The following NCKAP5 variants were observed in gnomAD, a reference collection of about 807,000 sequenced individuals.
NCKAP5 encodes the protein nck-associated protein 5.
NCKAP5 carries 92 observed loss-of-function variants against 167.0 expected under a neutral mutation model. The observed-to-expected ratio is 0.55, with a 90% CI of 0.47 to 0.66. The LOEUF is 0.66. Among genes scored for constraint, NCKAP5 ranks in the 30% least tolerant of loss-of-function variants. The pLI, the probability that NCKAP5 is intolerant of heterozygous loss-of-function variation, is 0.00. For missense variants in NCKAP5, 2,378 were observed against 2,315.0 expected, an observed-to-expected ratio of 1.03 and a Z score of -0.56; for synonymous variants, 891 against 877.4, an observed-to-expected ratio of 1.02 and a Z score of -0.27.
intron 3 of NCKAP5, among the ~76,000 whole-genome samples, chr2:133,403,206 A>G (rs912575073): frequency 6.6e-6 from 1 of 152,264 alleles, no homozygotes; most frequent in Non-Finnish European, 1.5e-5. Context: ...CAAATAATGT[A>G]AAACTAGGTT....
At chr2:133,566,876 C>T (rs1037638079) in intron 1 of NCKAP5, among the ~76,000 whole-genome samples, 1 of 152,298 alleles carries the variant, frequency 6.6e-6, no homozygotes, top group East Asian at 1.9e-4. Context: ...ATATCTAAGC[C>T]TAATGTGTTC....
intron 11 of NCKAP5, among the ~76,000 whole-genome samples, chr2:132,815,687 T>C (rs1686212756): frequency 6.6e-6 from 1 of 152,190 alleles, no homozygotes; most frequent in Non-Finnish European, 1.5e-5. Context: ...GAATTACTTA[T>C]TCAAAAAGCC....
chr2:133,453,579 G>A (rs1691674866), intron 3 of NCKAP5, among the ~76,000 whole-genome samples: 3 of 152,028 alleles, frequency 2.0e-5, no homozygotes, highest in Non-Finnish European at 4.4e-5. Flanking sequence ...GACAAAATAA[G>A]GGTTATTCAT....
chr2:133,330,360 C>G (rs1419691988), intron 3 of NCKAP5, among the ~76,000 whole-genome samples: 1 of 142,192 alleles, frequency 7.0e-6, no homozygotes, highest in Non-Finnish European at 1.5e-5. Context: ...GCTGGGTTTA[C>G]AGACATGATA....
intron 4 of NCKAP5, among the ~76,000 whole-genome samples, chr2:133,250,292 G>A (rs530955298): frequency 3.9e-5 from 6 of 152,244 alleles, no homozygotes; most frequent in South Asian, 2.1e-4. Context: ...CTAGGCGAGC[G>A]GGGCAGGCAG....
intron 3 of NCKAP5, among the ~76,000 whole-genome samples, chr2:133,472,479 C>T (rs1215988890): frequency 6.6e-6 from 1 of 151,750 alleles, no homozygotes; most frequent in Non-Finnish European, 1.5e-5. Flanking sequence ...ATTGCTTCTC[C>T]TCTCCTTTTT....
chr2:132,872,483 T>C (rs965365145), intron 9 of NCKAP5, among the ~76,000 whole-genome samples: 2 of 152,164 alleles, frequency 1.3e-5, no homozygotes, highest in East Asian at 3.8e-4. Context: ...TATTATTTTA[T>C]TGAAAAACAG....
chr2:133,629,973 G>T, the NCKAP5 span, among the ~76,000 whole-genome samples: 6 of 152,050 alleles, frequency 3.9e-5, no homozygotes, highest in African/African-American at 1.4e-4. Flanking sequence ...ACATACTGGG[G>T]CCTGTCGAGG....
chr2:132,969,756 G>T (rs2076777996), intron 7 of NCKAP5, among the ~76,000 whole-genome samples: 1 of 151,556 alleles, frequency 6.6e-6, no homozygotes, highest in African/African-American at 2.4e-5. Context: ...GTTTAAAGCT[G>T]CTCTGATGTA....
Position 132,783,961 on chromosome 2 carries a change from T to C in NCKAP5, c.2850A>G (p.Ala950=). 1.3e-6 allele frequency: 2 copies of C among 1,596,510 alleles called. No individual in the cohort carries two copies. The highest frequency in any genetic ancestry group is 1.1e-5 in the South Asian group (1 of 88,238). Residue 950 remains alanine, a synonymous_variant, in exon 14 of 20, where the codon GCA becomes GCG. Coordinates refer to ENST00000409261, the MANE Select transcript of NCKAP5 (RefSeq NM_207363.3). ...LARPSYDYSP[A]PSSTKSETRV... ...TGGTTTCGGACTTGGTGGATGAAGGTGCTGGTGAATAGTCATAGCTGGGCC... is the reference window on the plus strand; with the variant it reads ...TGGTTTCGGACTTGGTGGATGAAGGCGCTGGTGAATAGTCATAGCTGGGCC...
intron 3 of NCKAP5, among the ~76,000 whole-genome samples, chr2:133,427,446 A>G (rs1689883886): frequency 1.3e-5 from 2 of 152,162 alleles, no homozygotes; most frequent in South Asian, 4.1e-4. Flanking sequence ...GTCTGATTTT[A>G]TTTAAATTTT....
intron 3 of NCKAP5, among the ~76,000 whole-genome samples, chr2:133,310,503 C>T (rs1280776121): frequency 1.3e-5 from 2 of 152,178 alleles, no homozygotes; most frequent in South Asian, 2.1e-4. Context: ...GCCTACAGCA[C>T]TTCACATTTT....
At chr2:133,647,360 G>GA in the NCKAP5 span, among the ~76,000 whole-genome samples, 671 of 99,794 alleles carry the variant, frequency 6.7e-3, 26 homozygotes, top group African/African-American at 0.032. Flanking sequence ...GGAAAGAAAG[G>GA]AAGGAAGGAA....
chr2:133,534,919 G>T (rs1185779259), intron 2 of NCKAP5, among the ~76,000 whole-genome samples: 1 of 152,100 alleles, frequency 6.6e-6, no homozygotes, highest in Admixed American at 6.6e-5. Flanking sequence ...TTCCAAAGTG[G>T]CTGCATCATT....
At chr2:133,017,710 A>T (rs1334036150) in intron 6 of NCKAP5, among the ~76,000 whole-genome samples, 1 of 151,524 alleles carries the variant, frequency 6.6e-6, no homozygotes, top group Non-Finnish European at 1.5e-5. Context: ...CTTTTCTGTA[A>T]GGCAAGTTCT....
At chr2:133,614,862 T>A in the NCKAP5 span, among the ~76,000 whole-genome samples, 1 of 152,036 alleles carries the variant, frequency 6.6e-6, no homozygotes, top group South Asian at 2.1e-4. Flanking sequence ...TTCACCAAAG[T>A]TGAAATGAAG....
chr2:133,234,052 G>A (rs2087280954), intron 4 of NCKAP5, among the ~76,000 whole-genome samples: 1 of 152,222 alleles, frequency 6.6e-6, no homozygotes, highest in African/African-American at 2.4e-5. Flanking sequence ...GCTCCAAACT[G>A]CAGCAGATAG....
At chr2:133,626,252 T>C in the NCKAP5 span, among the ~76,000 whole-genome samples, 2 of 152,190 alleles carry the variant, frequency 1.3e-5, no homozygotes, top group South Asian at 2.1e-4. Context: ...TCCCTTCTGA[T>C]GGAAATGTGT....
At chr2:133,473,264 A>G (rs957907867) in intron 3 of NCKAP5, among the ~76,000 whole-genome samples, 3 of 152,080 alleles carry the variant, frequency 2.0e-5, no homozygotes, top group Non-Finnish European at 2.9e-5. Flanking sequence ...CCCGGGAGTC[A>G]GAGGTTGCAG....
Sources: allele counts gnomAD v4.1 joint callset (sites outside exome capture counted in the v4.1 genomes callset), GRCh38; gene constraint gnomAD v4.1.1; transcripts MANE v1.5; gene names NCBI Gene and HGNC (gene_info 2026-07-23, HGNC 2026-07-21).